Variants in XIRP2 observed in about 807,000 individuals in gnomAD.
XIRP2 encodes the protein xin actin binding repeat containing 2, also known as xin actin-binding repeat-containing protein 2.
Under a neutral mutation model 277.0 loss-of-function variants are expected in XIRP2, and 236 were observed. The ratio of observed to expected loss-of-function variants is 0.85; its 90% CI spans 0.77 to 0.95. The LOEUF (loss-of-function observed/expected upper bound fraction) is 0.95. XIRP2 is among the 40% of genes least tolerant of loss of function. The probability of loss-of-function intolerance (pLI) is 0.00; values close to 1 mark genes in which losing one functional copy is unlikely to be tolerated. For missense variants in XIRP2, 4,640 were observed against 4,157.5 expected (o/e 1.12, Z -3.19); for synonymous variants, 1,490 against 1,416.5 (o/e 1.05, Z -1.17).
intron 2 of XIRP2, among the ~76,000 whole-genome samples, chr2:166,911,215 T>C (rs1350783766): frequency 2.0e-5 from 3 of 152,204 alleles, no homozygotes; most frequent in Non-Finnish European, 2.9e-5. Context: ...CAGTGGGGTT[T>C]TAAAGTCTCC....
intron 2 of XIRP2, among the ~76,000 whole-genome samples, chr2:167,055,543 T>A (rs992550249): frequency 3.9e-5 from 6 of 152,194 alleles, no homozygotes. Flanking sequence ...TGCTGGAGAT[T>A]ATCAGATGTG....
Position 167,210,944 on chromosome 2 carries a change from T to C in XIRP2, c.723+49T>C, listed in dbSNP as rs576098095. 3.4e-5 allele frequency: 54 copies of C among 1,597,372 alleles called. 1 individual carries two copies. The South Asian group carries it at 5.2e-4, about 15-fold the overall frequency. On this transcript the variant is annotated intron_variant, in intron 4 of 10. Transcript: ENST00000409195. Reference sequence around the variant, plus strand: ...CACTAGGCAATGTGCTTACTGTCTGTCCCAATTCCCTCTTTATATTTGAAA... The same window carrying C: ...CACTAGGCAATGTGCTTACTGTCTGCCCCAATTCCCTCTTTATATTTGAAA...
At chr2:167,004,282 T>C (rs1214445144) in intron 2 of XIRP2, among the ~76,000 whole-genome samples, 1 of 151,890 alleles carries the variant, frequency 6.6e-6, no homozygotes, top group African/African-American at 2.4e-5. Context: ...GGGAGATACA[T>C]AGATATGAAA....
rs140131480 is a variant in XIRP2 at position 166,942,200 on chromosome 2, A to T, written c.408+38310A>T. ...ATAGGCCCATGGAGGCACGAAAACC[A>T]TGCCACATCCCTCTGTTCTACATGT... On this transcript the variant is annotated intron_variant, in intron 2 of 10. Coordinates refer to ENST00000409195, the MANE Select transcript of XIRP2 (RefSeq NM_152381.6). Among the ~76,000 whole-genome samples, 9 of 152,284 alleles carry T rather than the reference A, an allele frequency of 5.9e-5. No homozygotes were observed. In the East Asian group the frequency reaches 1.7e-3, roughly 29 times the overall value.
chr2:167,247,885 C>T lies in XIRP2; in HGVS notation c.6493C>T (p.Gln2165Ter). The T allele has an allele frequency of 1.2e-6, 2 of 1,613,546 alleles. No individual in the cohort carries two copies. The highest frequency in any genetic ancestry group is 2.2e-5 in the South Asian group (2 of 91,014). ...ACAAAGCTCCAAGCCCAGTCCCACC[C>T]AGCATCCAGTCAGCATGCCAGTTGG... ...DTQSSKPSPT[Q>*]HPVSMPVGGT... The change falls in exon 9 of 11, where the codon CAG becomes TAG. Residue 2165 changes from glutamine to a stop codon, truncating the protein, a stop_gained. Transcript: ENST00000409195. LOFTEE classifies it high-confidence loss of function.
chr2:167,230,722 A>G (rs1694724143), intron 5 of XIRP2, among the ~76,000 whole-genome samples: 1 of 152,070 alleles, frequency 6.6e-6, no homozygotes, highest in Non-Finnish European at 1.5e-5. Context: ...AGCACGGAAG[A>G]GCCGTGAAGA....
chr2:167,223,887 G>A (rs1002012763), intron 5 of XIRP2, among the ~76,000 whole-genome samples: 4 of 152,162 alleles, frequency 2.6e-5, no homozygotes, highest in African/African-American at 9.6e-5. Flanking sequence ...TGGCTCTAGA[G>A]TCAGAGAGAC....
chr2:167,159,054 G>A (rs184904660), intron 3 of XIRP2, among the ~76,000 whole-genome samples: 3 of 152,100 alleles, frequency 2.0e-5, no homozygotes, highest in Non-Finnish European at 2.9e-5. Flanking sequence ...GCCTCAGTGG[G>A]GAGGGCACTA....
chr2:166,890,374 C>T (rs2105323805), intron 1 of XIRP2, among the ~76,000 whole-genome samples: 1 of 152,128 alleles, frequency 6.6e-6, no homozygotes, highest in East Asian at 1.9e-4. Context: ...AAGGCCAGTT[C>T]CCAGTTCAAA....
intron 5 of XIRP2, among the ~76,000 whole-genome samples, chr2:167,232,545 A>G (rs1018719166): frequency 1.3e-5 from 2 of 151,966 alleles, no homozygotes; most frequent in African/African-American, 4.8e-5. Flanking sequence ...GCTGAACTCT[A>G]GTTTTACTCA....
chr2:166,908,376 C>A (rs1450201216), intron 2 of XIRP2, among the ~76,000 whole-genome samples: 4 of 152,184 alleles, frequency 2.6e-5, no homozygotes, highest in Non-Finnish European at 5.9e-5. Flanking sequence ...TGATGATGAG[C>A]ATTTTTTCAT....
At chr2:167,202,991 C>A (rs1693764410) in intron 3 of XIRP2, among the ~76,000 whole-genome samples, 1 of 152,142 alleles carries the variant, frequency 6.6e-6, no homozygotes, top group South Asian at 2.1e-4. Context: ...AATCTCTTTT[C>A]TCTCCCATTT....
intron 2 of XIRP2, among the ~76,000 whole-genome samples, chr2:167,018,381 A>G (rs576155035): frequency 6.6e-6 from 1 of 152,142 alleles, no homozygotes; most frequent in East Asian, 1.9e-4. Flanking sequence ...GCAGACATCA[A>G]AACAGGATTG....
intron 2 of XIRP2, among the ~76,000 whole-genome samples, chr2:166,972,467 G>C (rs1317483364): frequency 6.6e-6 from 1 of 152,108 alleles, no homozygotes; most frequent in Non-Finnish European, 1.5e-5. Context: ...CCTCTCTGTT[G>C]CTGGATTACC....
chr2:166,921,834 C>T (rs1388181237), intron 2 of XIRP2, among the ~76,000 whole-genome samples: 1 of 152,124 alleles, frequency 6.6e-6, no homozygotes, highest in East Asian at 1.9e-4. Flanking sequence ...GCTCATCTGA[C>T]AGCAGATCTT....
At position 167,042,422 on chromosome 2, in the gene XIRP2, T is replaced by C. The variant is rs554465028; in HGVS notation, c.409-93487T>C. 5.9e-5 allele frequency among the ~76,000 whole-genome samples: 9 copies of C among 152,222 alleles called. No individual in the cohort carries two copies. In the East Asian group the frequency reaches 1.7e-3, roughly 29 times the overall value. ...GATGAATAAAGAAGCAAGACTCAAC[T>C]GTATGTTGCCTTAAAAAGACCCATA... On this transcript the variant is annotated intron_variant, in intron 2 of 10. Transcript: ENST00000409195.
chr2:167,194,484 T>C (rs1042655250), intron 3 of XIRP2, among the ~76,000 whole-genome samples: 3 of 152,302 alleles, frequency 2.0e-5, no homozygotes, highest in South Asian at 2.1e-4. Flanking sequence ...ATTTCATTTC[T>C]ATTAATGACA....
At chr2:167,182,227 T>C (rs1462098994) in intron 3 of XIRP2, among the ~76,000 whole-genome samples, 2 of 152,212 alleles carry the variant, frequency 1.3e-5, no homozygotes, top group Non-Finnish European at 2.9e-5. Flanking sequence ...TCAAAGCAGA[T>C]TGCCAAATCC....
At chr2:167,219,653 T>C (rs541491751) in intron 5 of XIRP2, among the ~76,000 whole-genome samples, 4 of 152,222 alleles carry the variant, frequency 2.6e-5, no homozygotes, top group Non-Finnish European at 5.9e-5. Context: ...GTCTCCATTT[T>C]AAAATTCTCA....
Sources: allele counts gnomAD v4.1 joint callset (sites outside exome capture counted in the v4.1 genomes callset), GRCh38; gene constraint gnomAD v4.1.1; transcripts MANE v1.5; gene names NCBI Gene and HGNC (gene_info 2026-07-23, HGNC 2026-07-21).